Variants in SCAF1 observed in about 807,000 individuals in gnomAD.
SCAF1 encodes splicing factor, arginine/serine-rich 19.
Under a neutral mutation model 91.2 loss-of-function variants are expected in SCAF1, and 28 were observed. That is an observed-to-expected ratio of 0.31 (90% confidence interval 0.23 to 0.42). The LOEUF is 0.42. Among genes scored for constraint, SCAF1 ranks in the 10% least tolerant of loss-of-function variants. The pLI, the probability that SCAF1 is intolerant of heterozygous loss-of-function variation, is 1.00. For synonymous variants in SCAF1, 1,036 were observed against 833.7 expected, an observed-to-expected ratio of 1.24 and a Z score of -4.18; for missense variants, 1,893 against 1,872.1, an observed-to-expected ratio of 1.01 and a Z score of -0.21.
In SCAF1 at chr19:49,652,298, G is replaced by T; in HGVS notation, c.1909G>T (p.Gly637Cys). 1 of 1,529,090 alleles carries T rather than the reference G, an allele frequency of 6.5e-7. No individual in the cohort carries two copies. 94.7% of individuals were successfully genotyped at this position (1,529,090 alleles called of 1,614,324 possible). The change falls in exon 7 of 11, where the codon GGT becomes TGT. Residue 637 changes from glycine to cysteine, a missense_variant. This residue lies in a region of SCAF1 where 1,436 missense variants were observed against 1,306.8 expected (regional missense o/e 1.10). Transcript: ENST00000360565. Reference sequence around the variant, plus strand: ...GCGGCACCGCGGGAAACACCGGGACGGTGGCGGCAGCAAGAAGAAGAAGAA... The same window carrying T: ...GCGGCACCGCGGGAAACACCGGGACTGTGGCGGCAGCAAGAAGAAGAAGAA... The part of the protein sequence containing the change: ...RERHRGKHRD[G>C]GGSKKKKKRS...
upstream of SCAF1, among the ~76,000 whole-genome samples, chr19:49,641,272 G>C (rs76627575): frequency 3.0e-3 from 459 of 152,338 alleles, 28 homozygotes; most frequent in East Asian, 0.077. Flanking sequence ...TCTCTGTACT[G>C]AACGAGGCGG....
rs764289899 is a variant in SCAF1, at chr19:49,653,005, T to C, written c.2616T>C (p.Ser872=). The C allele has an allele frequency of 6.2e-7, 1 of 1,612,254 alleles. No homozygotes were observed. The highest frequency in any genetic ancestry group is 1.6e-4 in the Middle Eastern group (1 of 6,062). Residue 872 remains serine, a synonymous_variant, in exon 7 of 11, where the codon AGT becomes AGC. Coordinates refer to ENST00000360565, the MANE Select transcript of SCAF1 (RefSeq NM_021228.3). ...IGVKFSRDRE[S]RSPFLKPDER... ...TCAAATTCAGCCGTGACCGCGAGAG[T>C]CGCTCCCCCTTCCTCAAACCTGACG...
chr19:49,657,942 G>GGGACAGATGTGTGC, intron 10 of SCAF1, 53 bp downstream of exon 10: 3 of 1,590,400 alleles, frequency 1.9e-6, no homozygotes, highest in Non-Finnish European at 2.6e-6. Context: ...ACGAGCTGGA[G>GGGACAGATGTGTGC]GGACAGATGT....
chr19:49,640,758 C>T (rs1273283511), upstream of SCAF1, among the ~76,000 whole-genome samples: 2 of 152,048 alleles, frequency 1.3e-5, no homozygotes, highest in Admixed American at 1.3e-4. Context: ...TAGAGGGGGA[C>T]AGCAGGGTAA....
At chr19:49,657,950 T>TG in intron 10 of SCAF1, 61 bp downstream of exon 10, 14 of 1,581,012 alleles carry the variant, frequency 8.9e-6, no homozygotes, top group Non-Finnish European at 1.2e-5. Context: ...GAGGGACAGA[T>TG]GTGTGCAGAC....
rs1176254918 is a variant in SCAF1 at position 49,652,502 on chromosome 19, A to G, written c.2113A>G (p.Ile705Val). 2 of 1,585,062 alleles carry G rather than the reference A, an allele frequency of 1.3e-6. No homozygotes were observed. Among genetic ancestry groups the G allele is most frequent in the Non-Finnish European group, 1.7e-6 (2 of 1,166,728 alleles). The change falls in exon 7 of 11, where the codon ATC becomes GTC. Residue 705 changes from isoleucine to valine, a missense_variant. Around this residue, in one of 5 missense-constraint regions of SCAF1, gnomAD observed 1,436 missense variants for 1,306.8 expected, o/e 1.10. Coordinates refer to ENST00000360565, the MANE Select transcript of SCAF1 (RefSeq NM_021228.3). The part of the protein sequence containing the change: ...DHDLFAIKRT[I>V]TVGRLDKSDP... Reference sequence around the variant, plus strand: ...CGACCTCTTCGCCATCAAGCGGACCATCACGGTGGGCCGGCTTGACAAGTC... The same window carrying G: ...CGACCTCTTCGCCATCAAGCGGACCGTCACGGTGGGCCGGCTTGACAAGTC...
At chr19:49,656,100 G>A (rs757770660) in intron 9 of SCAF1, among the ~76,000 whole-genome samples, 1 of 152,372 alleles carries the variant, frequency 6.6e-6, no homozygotes, top group Middle Eastern at 3.4e-3. Flanking sequence ...CCGCAGAGGC[G>A]GGGCTGCAGT....
rs2081125377 is a variant in SCAF1 at position 49,654,429 on chromosome 19, C to T, written c.3397C>T (p.Gln1133Ter). Residue 1133 changes from glutamine to a stop codon, truncating the protein, a stop_gained and splice_region_variant, in exon 8 of 11, where the codon CAG becomes TAG. Transcript: ENST00000360565. LOFTEE classifies it high-confidence loss of function. ...KAQELIQATNQILSHRKPPSS... is the reference protein window; with the variant it reads ...KAQELIQATN The stretch of plus-strand genomic sequence containing the variant: ...CCAGGAGCTGATCCAGGCCACCAAC[C>T]AGGTGGGCTCCCCTGGGGGAGAGTC... The T allele has an allele frequency of 6.2e-7, 1 of 1,612,764 alleles. No individual in the cohort carries two copies. The highest frequency in any genetic ancestry group is 8.5e-7 in the Non-Finnish European group (1 of 1,179,556).
intron 1 of SCAF1, 43 bp from the exon 2 acceptor site, chr19:49,644,978 C>A: frequency 7.0e-7 from 1 of 1,429,192 alleles, no homozygotes; most frequent in Non-Finnish European, 9.8e-7. Flanking sequence ...TCCATCCTTT[C>A]TCCCGGGACC....
chr19:49,642,807 C>G lies in SCAF1; in HGVS notation c.-7+565C>G. On this transcript the variant is annotated intron_variant, in intron 1 of 10. Coordinates refer to ENST00000360565, the MANE Select transcript of SCAF1 (RefSeq NM_021228.3). This position sits in a 1 kb window ranked among gnomAD's most constrained non-coding sequence, Gnocchi z 4.0. ...ATTTATCAGGCCTAGAAGGAGTGTTCAAGGGCTAAGAAGTCATTTAGGGCC... is the reference window on the plus strand; with the variant it reads ...ATTTATCAGGCCTAGAAGGAGTGTTGAAGGGCTAAGAAGTCATTTAGGGCC... The G allele has an allele frequency of 6.6e-6, 1 of 152,206 alleles. No homozygotes were observed. Among genetic ancestry groups the G allele is most frequent in the Admixed American group, 6.5e-5 (1 of 15,278 alleles). The allele number at this position is 152,206 out of a possible 1,614,324, so 9.4% of individuals were successfully genotyped here.
chr19:49,646,497 C>A lies in SCAF1; in HGVS notation c.262-29C>A. 1 of 1,588,086 alleles carries A rather than the reference C, an allele frequency of 6.3e-7. No homozygotes were observed. Among genetic ancestry groups the A allele is most frequent in the Non-Finnish European group, 8.6e-7 (1 of 1,156,760 alleles). ...TTGCCAGTCTTCATGTGACCAGGGA[C>A]GGCGTAGAGCCTCTCTGGCCTCTTC... On this transcript the variant is annotated intron_variant, in intron 4 of 10. Coordinates refer to ENST00000360565, the MANE Select transcript of SCAF1 (RefSeq NM_021228.3). The surrounding 1 kb of genome is among the most constrained non-coding windows in gnomAD (Gnocchi z 5.6).
rs1240702387 is a variant in SCAF1, at chr19:49,652,696, T to C, written c.2307T>C (p.Arg769=). Residue 769 remains arginine, a synonymous_variant, in exon 7 of 11, where the codon CGT becomes CGC. Coordinates refer to ENST00000360565, the MANE Select transcript of SCAF1 (RefSeq NM_021228.3). ...SSSSSREKGS[R]RKALDGGDRD... ...CCTCTTCCCGGGAGAAGGGGTCTCGTCGGAAGGCGCTGGACGGGGGTGACC... is the reference window on the plus strand; with the variant it reads ...CCTCTTCCCGGGAGAAGGGGTCTCGCCGGAAGGCGCTGGACGGGGGTGACC... 6.4e-7 allele frequency: 1 copy of C among 1,574,596 alleles called. No individual in the cohort carries two copies. Among genetic ancestry groups the C allele is most frequent in the East Asian group, 2.4e-5 (1 of 42,472 alleles).
chr19:49,655,279 A>C (rs2081132180), intron 9 of SCAF1, among the ~76,000 whole-genome samples: 1 of 152,148 alleles, frequency 6.6e-6, no homozygotes, highest in East Asian at 1.9e-4. Context: ...GCAGACAGTA[A>C]TGTAGGTTCT....
rs1261145963 is a variant in SCAF1, at chr19:49,653,388, A to G, written c.2999A>G (p.Lys1000Arg). ...TCGCAGACCGTGGACAGCAGCTGCAAGACACCTGAGGTCTCCTTCCTGCCC... is the reference window on the plus strand; with the variant it reads ...TCGCAGACCGTGGACAGCAGCTGCAGGACACCTGAGGTCTCCTTCCTGCCC... The part of the protein sequence containing the change: ...PDSQTVDSSC[K>R]TPEVSFLPEE... Residue 1000 changes from lysine to arginine, a missense_variant, in exon 7 of 11, where the codon AAG becomes AGG. Lys to Arg is a conservative substitution (Grantham distance 26). This residue lies in a region of SCAF1 where 1,436 missense variants were observed against 1,306.8 expected (regional missense o/e 1.10). Coordinates refer to ENST00000360565, the MANE Select transcript of SCAF1 (RefSeq NM_021228.3). The G allele has an allele frequency of 4.6e-6, 7 of 1,532,724 alleles. No individual in the cohort carries two copies. The highest frequency in any genetic ancestry group is 6.2e-6 in the Non-Finnish European group (7 of 1,138,038). 94.9% of individuals were successfully genotyped at this position (1,532,724 alleles called of 1,614,324 possible). A position where few individuals can be genotyped will look rare whatever the true frequency, so the allele number is the denominator to read the frequency against.
chr19:49,651,609 T>C lies in SCAF1; in HGVS notation c.1220T>C (p.Leu407Pro). The C allele has an allele frequency of 3.3e-6, 5 of 1,507,932 alleles. No individual in the cohort carries two copies. Among genetic ancestry groups the C allele is most frequent in the Non-Finnish European group, 4.4e-6 (5 of 1,129,934 alleles). 93.4% of individuals were successfully genotyped at this position (1,507,932 alleles called of 1,614,324 possible). A position where few individuals can be genotyped will look rare whatever the true frequency, so the allele number is the denominator to read the frequency against. The change falls in exon 7 of 11, where the codon CTG (leucine) becomes CCG (proline). Residue 407 changes from leucine to proline, a missense_variant. Around this residue, in one of 5 missense-constraint regions of SCAF1, gnomAD observed 1,436 missense variants for 1,306.8 expected, o/e 1.10. Transcript: ENST00000360565. Reference protein sequence around the residue: ...VQPEEEPRLALSLFRPGGRAA... With the variant: ...VQPEEEPRLAPSLFRPGGRAA... ...CCGGAGGAGGAGCCCAGGCTGGCGC[T>C]GTCCCTCTTCCGCCCCGGCGGCCGG... is the stretch of plus-strand genomic sequence containing the variant.
At chr19:49,650,827 G>C in intron 6 of SCAF1, 41 bp from the exon 7 acceptor site, 1 of 1,519,376 alleles carries the variant, frequency 6.6e-7, no homozygotes, top group East Asian at 2.3e-5. Context: ...CAGGAGGGAG[G>C]CAAAGGCCCT....
chr19:49,650,769 G>T, intron 6 of SCAF1, 99 bp from the exon 7 acceptor site: 4 of 893,548 alleles, frequency 4.5e-6, no homozygotes, highest in Non-Finnish European at 6.8e-6. Context: ...TCCTGGGCAG[G>T]ACCTGGTGGC....
In SCAF1 at chr19:49,658,486, TG is replaced by T; in HGVS notation, c.*90del. The T allele has an allele frequency of 1.4e-6, 1 of 730,640 alleles. No individual in the cohort carries two copies. Among genetic ancestry groups the T allele is most frequent in the Non-Finnish European group, 2.2e-6 (1 of 448,624 alleles). The allele number at this position is 730,640 out of a possible 1,614,324, so 45.3% of individuals were successfully genotyped here. A position where few individuals can be genotyped will look rare whatever the true frequency, so the allele number is the denominator to read the frequency against. ...CCTCCCCACCTCCCTCCCCCGTCAGTGGGATGACTGGGGGAGGGTTGCTGCA... is the reference window on the plus strand; with the variant it reads ...CCTCCCCACCTCCCTCCCCCGTCAGTGGATGACTGGGGGAGGGTTGCTGCA... On this transcript the variant is annotated 3_prime_UTR_variant, in exon 11 of 11. Transcript: ENST00000360565.
At position 49,645,283 on chromosome 19, in the gene SCAF1, C is replaced by T. The variant is rs970854887; in HGVS notation, c.109-71C>T. On this transcript the variant is annotated intron_variant, in intron 2 of 10. Transcript: ENST00000360565. The surrounding 1 kb of genome is among the most constrained non-coding windows in gnomAD (Gnocchi z 4.6). ...AGCTGTCAGTGTCTGGGATGTCTGT[C>T]TCCCAAGGGGCAGAGGTTGCAAAGC... 8.9e-6 allele frequency: 14 copies of T among 1,567,004 alleles called. No homozygotes were observed. The highest frequency in any genetic ancestry group is 1.4e-5 in the African/African-American group (1 of 73,756).
Sources: allele counts gnomAD v4.1 joint callset (sites outside exome capture counted in the v4.1 genomes callset), GRCh38; gene constraint gnomAD v4.1.1; regional missense constraint gnomAD v4.1.1; non-coding constraint Gnocchi (gnomAD v3.1); transcripts MANE v1.5; gene names NCBI Gene and HGNC (gene_info 2026-07-23, HGNC 2026-07-21).